TRAPPC9: variants seen among roughly 807,000 people sequenced by gnomAD.
The protein encoded by TRAPPC9 is IKK2 binding protein.
Under a neutral mutation model 124.0 loss-of-function variants are expected in TRAPPC9, and 83 were observed. That is an observed-to-expected ratio of 0.67 (90% confidence interval 0.56 to 0.80). TRAPPC9 has a LOEUF of 0.80. Ranked by LOEUF, TRAPPC9 falls within the 30% of genes least tolerant of loss-of-function variation. The pLI is 0.00. For synonymous variants in TRAPPC9, 638 were observed against 617.5 expected (o/e 1.03, Z -0.49); for missense variants, 1,302 against 1,508.3 (o/e 0.86, Z 2.27).
chr8:140,011,374 T>C (rs934204591), intron 18 of TRAPPC9, among the ~76,000 whole-genome samples: 25 of 151,290 alleles, frequency 1.7e-4, no homozygotes, highest in Admixed American at 1.3e-4. Context: ...ATAGTAACAA[T>C]ATTATATATA....
chr8:139,736,494 C>T (rs951006916), intron 21 of TRAPPC9, among the ~76,000 whole-genome samples: 8 of 152,212 alleles, frequency 5.3e-5, no homozygotes, highest in Non-Finnish European at 1.0e-4. Flanking sequence ...GGCACCAAAT[C>T]CCCTGACGCT....
At chr8:139,792,044 C>T (rs1822721652) in intron 21 of TRAPPC9, among the ~76,000 whole-genome samples, 1 of 152,230 alleles carries the variant, frequency 6.6e-6, no homozygotes, top group Non-Finnish European at 1.5e-5. Context: ...CCAAATAAAA[C>T]AGGCTCTTGC....
intron 19 of TRAPPC9, among the ~76,000 whole-genome samples, chr8:139,924,359 T>C (rs962211839): frequency 1.3e-5 from 2 of 152,178 alleles, no homozygotes. Context: ...GCCCTGCACC[T>C]GACCCGGCCA....
At chr8:139,947,462 A>C (rs1834303057) in intron 19 of TRAPPC9, among the ~76,000 whole-genome samples, 1 of 152,240 alleles carries the variant, frequency 6.6e-6, no homozygotes, top group Non-Finnish European at 1.5e-5. Flanking sequence ...TTTGTTATAT[A>C]TGCCAATATC....
chr8:140,064,277 T>C (rs1193836542), intron 17 of TRAPPC9, among the ~76,000 whole-genome samples: 1 of 152,206 alleles, frequency 6.6e-6, no homozygotes, highest in Non-Finnish European at 1.5e-5. Context: ...TCTTTTACCT[T>C]TTCTGGTTTT....
intron 5 of TRAPPC9, among the ~76,000 whole-genome samples, chr8:140,422,452 A>T (rs1170531453): frequency 6.6e-6 from 1 of 152,170 alleles, no homozygotes; most frequent in Non-Finnish European, 1.5e-5. Context: ...CATATATAGA[A>T]TATATAAAAA....
intron 21 of TRAPPC9, among the ~76,000 whole-genome samples, chr8:139,808,007 CTTG>C (rs1452268588): frequency 6.6e-6 from 1 of 152,154 alleles, no homozygotes; most frequent in East Asian, 1.9e-4. Context: ...AGGTGTGTAT[CTTG>C]TTGACCTAAG....
rs1554633752 is a variant in TRAPPC9, at chr8:139,737,466, T to TCCA, written c.3056-5265_3056-5264insTGG. Among the ~76,000 whole-genome samples the TCCA allele has an allele frequency of 2.2e-4, 9 of 41,370 alleles. 2 individuals carry two copies. The highest frequency in any genetic ancestry group is 4.6e-4 in the Non-Finnish European group (9 of 19,382). 27.1% of individuals were successfully genotyped at this position (41,370 alleles called of 152,430 possible). ...GCCTTCAGGCGGGGGTCATCAGCCC[T>TCCA]CCCCCCCCCCCCACGGAAAACCCTG... On this transcript the variant is annotated intron_variant, in intron 21 of 22. Coordinates refer to ENST00000438773, the MANE Select transcript of TRAPPC9 (RefSeq NM_001160372.4).
At chr8:140,435,592 G>A (rs1363095821) in intron 3 of TRAPPC9, among the ~76,000 whole-genome samples, 1 of 152,232 alleles carries the variant, frequency 6.6e-6, no homozygotes, top group Non-Finnish European at 1.5e-5. Flanking sequence ...TGCACAAACT[G>A]TGTGGCAGAC....
At chr8:139,743,725 C>T (rs1186176751) in intron 21 of TRAPPC9, among the ~76,000 whole-genome samples, 2 of 152,214 alleles carry the variant, frequency 1.3e-5, no homozygotes, top group East Asian at 3.8e-4. Flanking sequence ...TTCACCAACA[C>T]CGGGCCAGCT....
intron 7 of TRAPPC9, among the ~76,000 whole-genome samples, chr8:140,387,312 G>C (rs748749876): frequency 6.6e-6 from 1 of 152,246 alleles, no homozygotes; most frequent in South Asian, 2.1e-4. Context: ...ACATAGGCAC[G>C]GGCAAGGACT....
At chr8:140,293,474 A>G (rs1428385075) in intron 11 of TRAPPC9, among the ~76,000 whole-genome samples, 1 of 152,244 alleles carries the variant, frequency 6.6e-6, no homozygotes, top group Non-Finnish European at 1.5e-5. Context: ...CCAAATGTCC[A>G]ACAATGATAG....
In TRAPPC9 at chr8:140,216,997, T is replaced by C. The variant is rs1563853887; in HGVS notation, c.2556+4462A>G. The stretch of plus-strand genomic sequence containing the variant: ...TAACACGGTCCTCAGTGGACAAGGC[T>C]GAGTTACTGGCTTGTATGACAGCCC... On this transcript the variant is annotated intron_variant, in intron 17 of 22. Transcript: ENST00000438773. This position sits in a 1 kb window ranked among gnomAD's most constrained non-coding sequence, Gnocchi z 4.1. 6.6e-6 allele frequency among the ~76,000 whole-genome samples: 1 copy of C among 152,222 alleles called. No individual in the cohort carries two copies. The highest frequency in any genetic ancestry group is 6.5e-5 in the Admixed American group (1 of 15,288).
intron 17 of TRAPPC9, among the ~76,000 whole-genome samples, chr8:140,195,018 T>C (rs950546252): frequency 6.6e-6 from 1 of 151,742 alleles, no homozygotes; most frequent in Non-Finnish European, 1.5e-5. Context: ...ATCACACCTG[T>C]GACACTAAAA....
intron 18 of TRAPPC9, among the ~76,000 whole-genome samples, chr8:139,994,288 C>T (rs769745559): frequency 6.6e-6 from 1 of 152,226 alleles, no homozygotes; most frequent in Admixed American, 6.5e-5. Context: ...GCTCAATCAT[C>T]GTCCTTCTGT....
At chr8:139,806,756 T>G (rs980308932) in intron 21 of TRAPPC9, among the ~76,000 whole-genome samples, 1 of 152,248 alleles carries the variant, frequency 6.6e-6, no homozygotes, top group Non-Finnish European at 1.5e-5. Context: ...AAGCAGCAGC[T>G]GCAGGATTCA....
chr8:139,758,670 G>A (rs574539463), intron 21 of TRAPPC9, among the ~76,000 whole-genome samples: 56 of 152,354 alleles, frequency 3.7e-4, no homozygotes, highest in African/African-American at 1.2e-3. Context: ...TGCCACGAAG[G>A]CAGGGGCAAG....
At chr8:140,374,094 G>A (rs73356434) in intron 7 of TRAPPC9, among the ~76,000 whole-genome samples, 1 of 152,116 alleles carries the variant, frequency 6.6e-6, no homozygotes, top group Non-Finnish European at 1.5e-5. Context: ...CTTTGCCCGA[G>A]GTCACAAAGA....
intron 17 of TRAPPC9, among the ~76,000 whole-genome samples, chr8:140,205,706 G>A (rs894829559): frequency 6.6e-6 from 1 of 152,218 alleles, no homozygotes; most frequent in Non-Finnish European, 1.5e-5. Context: ...CTGCCATCCA[G>A]ACAGCTAGTT....
Sources: allele counts gnomAD v4.1 joint callset (sites outside exome capture counted in the v4.1 genomes callset), GRCh38; gene constraint gnomAD v4.1.1; non-coding constraint Gnocchi (gnomAD v3.1); transcripts MANE v1.5; gene names NCBI Gene and HGNC (gene_info 2026-07-23, HGNC 2026-07-21).